DNAH5: variants seen among roughly 807,000 people sequenced by gnomAD.
DNAH5 encodes the protein dynein axonemal heavy chain 5.
Under a neutral mutation model 518.2 loss-of-function variants are expected in DNAH5, and 372 were observed. The observed-to-expected ratio is 0.72, with a 90% CI of 0.66 to 0.78. The LOEUF (loss-of-function observed/expected upper bound fraction) is 0.78, where lower values mean the gene tolerates loss of function less well. Ranked by LOEUF, DNAH5 falls within the 30% of genes least tolerant of loss-of-function variation. DNAH5 has a pLI of 0.00. For synonymous variants in DNAH5, 2,039 were observed against 2,025.9 expected (o/e 1.01, Z -0.17); for missense variants, 5,523 against 5,687.0 (o/e 0.97, Z 0.93).
chr5:13,794,160 G>A lies in DNAH5; in HGVS notation c.7888-102C>T, dbSNP rs1757469259. ...AAACTGGTAACCTTTGAACTGATAT[G>A]AATTATTTCTAAAAAGCCAAATTTC... On this transcript the variant is annotated intron_variant, in intron 47 of 78. Coordinates refer to ENST00000265104, the MANE Select transcript of DNAH5 (RefSeq NM_001369.3). The A allele has an allele frequency of 4.6e-5, 68 of 1,484,852 alleles. 1 individual carries two copies. The South Asian group carries it at 6.8e-4, about 15-fold the overall frequency. The allele number at this position is 1,484,852 out of a possible 1,614,324, so 92.0% of individuals were successfully genotyped here.
At chr5:13,896,804 G>A (rs1055224187) in intron 15 of DNAH5, 1 of 152,060 alleles carries the variant, frequency 6.6e-6, no homozygotes, top group Non-Finnish European at 1.5e-5. Flanking sequence ...TCAATATTTT[G>A]TTCATATGTA....
In DNAH5 at chr5:13,864,601, C is replaced by T. The variant is rs2151908827; in HGVS notation, c.4392G>A (p.Gln1464=). The T allele has an allele frequency of 6.2e-7, 1 of 1,614,120 alleles. No homozygotes were observed. The highest frequency in any genetic ancestry group is 8.5e-7 in the Non-Finnish European group (1 of 1,180,014). Residue 1464 remains glutamine, a synonymous_variant, in exon 28 of 79, where the codon CAG becomes CAA. Transcript: ENST00000265104. ...RKLPRALKDW[Q]AFLDLKKIID... ...TGATCTTCTTCAGGTCCAAAAAAGC[C>T]TGCCAGTCCTTCAAGGCCCGGGGAA... is the stretch of plus-strand genomic sequence containing the variant.
At chr5:14,002,013 C>T (rs1275185936) in intron 1 of DNAH5, among the ~76,000 whole-genome samples, 1 of 151,952 alleles carries the variant, frequency 6.6e-6, no homozygotes, top group African/African-American at 2.4e-5. Context: ...ATTATCCTGC[C>T]GCAGCCTCCT....
intron 29 of DNAH5, among the ~76,000 whole-genome samples, chr5:13,860,722 AC>A (rs1006807749): frequency 1.3e-5 from 2 of 152,164 alleles, no homozygotes; most frequent in African/African-American, 4.8e-5. Flanking sequence ...AGCAATATAA[AC>A]ATCAGTGTTA....
intron 47 of DNAH5, among the ~76,000 whole-genome samples, chr5:13,806,828 AG>A (rs1377646930): frequency 6.6e-6 from 1 of 152,158 alleles, no homozygotes; most frequent in African/African-American, 2.4e-5. Flanking sequence ...CGCAAACTTG[AG>A]GGGTTTTTTT....
intron 16 of DNAH5, among the ~76,000 whole-genome samples, chr5:13,891,735 AT>A (rs61227933): frequency 0.18 from 27,402 of 152,208 alleles, 2,796 homozygotes; most frequent in Middle Eastern, 0.24. Context: ...TATTCAACAA[AT>A]TTGACTAAAG....
Position 13,765,960 on chromosome 5 carries a change from C to A in DNAH5, c.10101+16G>T. 1.1e-5 allele frequency: 18 copies of A among 1,612,950 alleles called. No homozygotes were observed. The highest frequency in any genetic ancestry group is 1.5e-5 in the Non-Finnish European group (18 of 1,178,882). ...GAATGAGTTCCCTCTTAGCCCATCA[C>A]CACTGAACTACCAACCTGTAAGTTC... is the stretch of plus-strand genomic sequence containing the variant. On this transcript the variant is annotated intron_variant, in intron 59 of 78. Transcript: ENST00000265104.
In DNAH5 at chr5:13,814,615, G is replaced by A; in HGVS notation, c.7220C>T (p.Pro2407Leu). 6.2e-7 allele frequency: 1 copy of A among 1,613,562 alleles called. No individual in the cohort carries two copies. Among genetic ancestry groups the A allele is most frequent in the Non-Finnish European group, 8.5e-7 (1 of 1,179,584 alleles). ...AGGATTCAATTATACCTCAAGAATA[G>A]GACTCCAATCAAGGATAGAAGAGCT... Reference protein sequence around the residue: ...FMSSSILDWSPILEGFLKKRS... With the variant: ...FMSSSILDWSLILEGFLKKRS... The change falls in exon 43 of 79, where the codon CCT becomes CTT. Residue 2407 changes from proline (P) to leucine (L), a missense_variant. Pro to Leu is a moderately conservative substitution (Grantham distance 98). Transcript: ENST00000265104.
chr5:13,984,978 T>G (rs575561660), intron 1 of DNAH5, among the ~76,000 whole-genome samples: 3 of 152,136 alleles, frequency 2.0e-5, no homozygotes, highest in African/African-American at 7.2e-5. Flanking sequence ...CACATGCACA[T>G]GTATGTTTAT....
rs139728564 is a variant in DNAH5 at position 13,944,419 on chromosome 5, C to T, written c.20G>A (p.Arg7Lys). ...AGTGACGCTATGCTTCCAGAGCTGTCTCCTCCCAATCCTAAACATTGTAGC... is the reference window on the plus strand; with the variant it reads ...AGTGACGCTATGCTTCCAGAGCTGTTTCCTCCCAATCCTAAACATTGTAGC... MFRIGRRQLWKHSVTRV... is the reference protein window; with the variant it reads MFRIGRKQLWKHSVTRV... Residue 7 changes from arginine to lysine, a missense_variant, in exon 1 of 79, where the codon AGA becomes AAA. Transcript: ENST00000265104. The T allele has an allele frequency of 1.4e-5, 22 of 1,613,502 alleles. No individual in the cohort carries two copies. The African/African-American group carries it at 2.8e-4, about 21-fold the overall frequency.
At chr5:13,749,596 A>G (rs1169676160) in intron 65 of DNAH5, among the ~76,000 whole-genome samples, 1 of 152,118 alleles carries the variant, frequency 6.6e-6, no homozygotes, top group Non-Finnish European at 1.5e-5. Flanking sequence ...TTCCAAGGAG[A>G]CTGTATTCAT....
chr5:13,765,810 G>A (rs192435330), intron 59 of DNAH5, among the ~76,000 whole-genome samples, 166 bp downstream of exon 59: 1 of 152,136 alleles, frequency 6.6e-6, no homozygotes, highest in East Asian at 1.9e-4. Flanking sequence ...AATCTGTCAG[G>A]AAAAACTCTA....
At chr5:13,877,571 G>A (rs548356485) in intron 21 of DNAH5, among the ~76,000 whole-genome samples, 2 of 152,324 alleles carry the variant, frequency 1.3e-5, no homozygotes, top group African/African-American at 4.8e-5. Context: ...CTGAGAGAAA[G>A]TCAGAGACCA....
chr5:13,697,415 C>T (rs1440556602), intron 78 of DNAH5, among the ~76,000 whole-genome samples: 1 of 152,180 alleles, frequency 6.6e-6, no homozygotes, highest in Non-Finnish European at 1.5e-5. Flanking sequence ...TGATGCTCAA[C>T]TCTCCCCTTC....
intron 75 of DNAH5, among the ~76,000 whole-genome samples, chr5:13,713,546 T>C (rs1428671543): frequency 6.7e-6 from 1 of 148,474 alleles, no homozygotes; most frequent in African/African-American, 2.5e-5. Flanking sequence ...TTTGGAGCGA[T>C]CTGGATGAGA....
intron 35 of DNAH5, among the ~76,000 whole-genome samples, chr5:13,837,571 A>C (rs1022219714): frequency 4.7e-5 from 7 of 150,190 alleles, no homozygotes; most frequent in Admixed American, 2.0e-4. Flanking sequence ...AAAAAAAAAA[A>C]CATGAAATAA....
In DNAH5 at chr5:13,931,102, CA is replaced by C. The variant is rs2152008748; in HGVS notation, c.192+7del. ...CATCAAGTCAGTGAGAAGTGAAACGCATCCCACCTGATTCCCTTCAAGAATG... is the reference window on the plus strand; with the variant it reads ...CATCAAGTCAGTGAGAAGTGAAACGCTCCCACCTGATTCCCTTCAAGAATG... On this transcript the variant is annotated splice_region_variant and intron_variant, in intron 2 of 78. Transcript: ENST00000265104. The C allele has an allele frequency of 6.2e-7, 1 of 1,614,084 alleles. No homozygotes were observed. Among genetic ancestry groups the C allele is most frequent in the Non-Finnish European group, 8.5e-7 (1 of 1,179,938 alleles).
intron 30 of DNAH5, among the ~76,000 whole-genome samples, chr5:13,853,261 A>C (rs960004199): frequency 1.4e-4 from 21 of 152,250 alleles, no homozygotes; most frequent in Non-Finnish European, 2.4e-4. Context: ...AAACTCCAGA[A>C]GACCTGCAGA....
chr5:13,887,754 A>G (rs371863241), intron 17 of DNAH5, among the ~76,000 whole-genome samples: 5 of 152,138 alleles, frequency 3.3e-5, no homozygotes, highest in East Asian at 3.9e-4. Context: ...CCTTTACTCC[A>G]TCACTCTCTC....
Sources: gnomAD v4.1 joint callset for allele counts (sites outside exome capture counted in the v4.1 genomes callset) on GRCh38, gnomAD v4.1.1 for gene constraint, MANE v1.5 for transcripts, NCBI Gene and HGNC (gene_info 2026-07-23, HGNC 2026-07-21) for gene names.